RGS8: variants seen among roughly 807,000 people sequenced by gnomAD.
The protein encoded by RGS8 is regulator of G-protein signaling 8.
A neutral mutation model predicts 21.7 loss-of-function variants in RGS8; 8 were observed. That is an observed-to-expected ratio of 0.37 (90% CI 0.22 to 0.66). The LOEUF (loss-of-function observed/expected upper bound fraction) is 0.66, where lower values mean the gene tolerates loss of function less well. Among genes scored for constraint, RGS8 ranks in the 30% least tolerant of loss-of-function variants. The pLI is 0.59. For missense variants in RGS8, 157 were observed against 217.9 expected, an observed-to-expected ratio of 0.72 and a Z score of 1.76; for synonymous variants, 80 against 83.6, an observed-to-expected ratio of 0.96 and a Z score of 0.24.
At chr1:182,643,473 G>A (rs1662568783), downstream of RGS8, 1 of 152,062 alleles carries the variant, frequency 6.6e-6, no homozygotes, top group African/African-American at 2.4e-5. Flanking sequence ...TCTGGGGTGG[G>A]ACCTGGACAT....
chr1:182,680,068 C>T (rs1466488564), intron 1 of RGS8, among the ~76,000 whole-genome samples: 6 of 152,172 alleles, frequency 3.9e-5, no homozygotes, highest in Non-Finnish European at 5.9e-5. Context: ...CATGTCCTTA[C>T]GGTCCTGGTT....
chr1:182,725,395 TG>T, the RGS8 span, among the ~76,000 whole-genome samples: 1 of 152,230 alleles, frequency 6.6e-6, no homozygotes, highest in Admixed American at 6.5e-5. Flanking sequence ...GGACTCAGAC[TG>T]GATGTGTCTT....
At chr1:182,732,299 A>ACACACACACC in the RGS8 span, among the ~76,000 whole-genome samples, 3 of 151,562 alleles carry the variant, frequency 2.0e-5, no homozygotes, top group South Asian at 4.2e-4. Flanking sequence ...ACACACACAC[A>ACACACACACC]CACCCACTGT....
chr1:182,690,992 A>T, the RGS8 span, among the ~76,000 whole-genome samples: 1 of 152,210 alleles, frequency 6.6e-6, no homozygotes, highest in Non-Finnish European at 1.5e-5. Flanking sequence ...CATGAAAGAA[A>T]ACATTTGATC....
chr1:182,714,033 A>G, the RGS8 span, among the ~76,000 whole-genome samples: 1 of 152,282 alleles, frequency 6.6e-6, no homozygotes, highest in African/African-American at 2.4e-5. Flanking sequence ...CGCCAATTTG[A>G]CTTTTGAGAC....
chr1:182,730,280 T>C, the RGS8 span, among the ~76,000 whole-genome samples: 1 of 152,242 alleles, frequency 6.6e-6, no homozygotes, highest in African/African-American at 2.4e-5. Context: ...GGGAGATTTA[T>C]ACTTCCAAGA....
upstream of RGS8, among the ~76,000 whole-genome samples, chr1:182,686,155 T>G (rs1284609464): frequency 3.3e-5 from 5 of 151,870 alleles, no homozygotes; most frequent in Non-Finnish European, 7.4e-5. Context: ...TGGCATGGAG[T>G]CTAGAGGTAC....
chr1:182,690,675 G>T, the RGS8 span, among the ~76,000 whole-genome samples: 1 of 152,098 alleles, frequency 6.6e-6, no homozygotes, highest in African/African-American at 2.4e-5. Flanking sequence ...TAAGTAGTTT[G>T]GACAAAAAAT....
At chr1:182,705,962 T>C in the RGS8 span, among the ~76,000 whole-genome samples, 1 of 152,132 alleles carries the variant, frequency 6.6e-6, no homozygotes, top group African/African-American at 2.4e-5. Flanking sequence ...AGAAATGTTT[T>C]GGAGATGCAA....
chr1:182,722,117 A>T, the RGS8 span, among the ~76,000 whole-genome samples: 52 of 152,188 alleles, frequency 3.4e-4, 1 homozygote, highest in East Asian at 9.7e-3. Context: ...ATCTTAGCAT[A>T]TCTGATTCCT....
chr1:182,671,250 T>A (rs2102444979), intron 2 of RGS8, among the ~76,000 whole-genome samples: 1 of 152,210 alleles, frequency 6.6e-6, no homozygotes, highest in South Asian at 2.1e-4. Flanking sequence ...TGCCAATAAA[T>A]AAGAATCAGC....
At chr1:182,709,866 T>C in the RGS8 span, among the ~76,000 whole-genome samples, 3 of 152,204 alleles carry the variant, frequency 2.0e-5, no homozygotes, top group East Asian at 1.9e-4. Flanking sequence ...AGGGTCATTA[T>C]GTCAAATAAA....
chr1:182,740,617 A>G, the RGS8 span, among the ~76,000 whole-genome samples: 72,519 of 119,344 alleles, frequency 0.61, 22,353 homozygotes, highest in African/African-American at 0.72. Flanking sequence ...GATTTGGCAG[A>G]GTCACAGGAC....
At chr1:182,745,826 T>C in the RGS8 span, among the ~76,000 whole-genome samples, 1 of 152,192 alleles carries the variant, frequency 6.6e-6, no homozygotes, top group South Asian at 2.1e-4. Context: ...CCAGTGATTT[T>C]TCCCACATGT....
chr1:182,729,654 T>C, the RGS8 span, among the ~76,000 whole-genome samples: 4 of 152,208 alleles, frequency 2.6e-5, no homozygotes, highest in Non-Finnish European at 5.9e-5. Context: ...TTTTGCACAT[T>C]AAAAATCTTA....
At chr1:182,699,408 A>G in the RGS8 span, among the ~76,000 whole-genome samples, 1 of 152,232 alleles carries the variant, frequency 6.6e-6, no homozygotes, top group African/African-American at 2.4e-5. Context: ...CCATCTTCCC[A>G]GGAGCAAAGA....
upstream of RGS8, among the ~76,000 whole-genome samples, chr1:182,687,882 A>G (rs1478804309): frequency 6.6e-6 from 1 of 152,268 alleles, no homozygotes; most frequent in Non-Finnish European, 1.5e-5. Context: ...TTAAGAAGGC[A>G]GAAACATTTC....
chr1:182,718,318 CAG>C, the RGS8 span, among the ~76,000 whole-genome samples: 1 of 152,192 alleles, frequency 6.6e-6, no homozygotes, highest in Non-Finnish European at 1.5e-5. Flanking sequence ...CAAAAAGAAA[CAG>C]AATTGATTCA....
upstream of RGS8, among the ~76,000 whole-genome samples, chr1:182,674,394 AT>A (rs924337472): frequency 1.3e-5 from 2 of 152,250 alleles, no homozygotes; most frequent in Non-Finnish European, 2.9e-5. Context: ...GAACAGGAAT[AT>A]AAAGAGCAGA....
Sources: allele counts gnomAD v4.1 joint callset (sites outside exome capture counted in the v4.1 genomes callset), GRCh38; gene constraint gnomAD v4.1.1; transcripts MANE v1.5; gene names NCBI Gene and HGNC (gene_info 2026-07-23, HGNC 2026-07-21).